The following THSD4 variants were observed in gnomAD, a reference collection of about 807,000 sequenced individuals.
THSD4 encodes the protein thrombospondin type-1 domain-containing protein 4.
In THSD4, 69 loss-of-function variants were observed where a neutral mutation model predicts 119.0. The ratio of observed to expected loss-of-function variants is 0.58; its 90% CI spans 0.48 to 0.71. The LOEUF is 0.71. Ranked by LOEUF, THSD4 falls within the 30% of genes least tolerant of loss-of-function variation. The pLI, the probability that THSD4 is intolerant of heterozygous loss-of-function variation, is 0.00. For missense variants in THSD4, 1,393 were observed against 1,391.1 expected, an observed-to-expected ratio of 1.00 and a Z score of -0.02; for synonymous variants, 524 against 540.4, an observed-to-expected ratio of 0.97 and a Z score of 0.42.
intron 12 of THSD4, 86 bp downstream of exon 12, chr15:71,745,321 A>C (rs1255281153): frequency 6.7e-7 from 1 of 1,499,250 alleles, no homozygotes; most frequent in African/African-American, 1.4e-5. Context: ...GATATAAGTC[A>C]GTCTAAATCT....
At chr15:71,213,544 T>C (rs1010563854) in intron 3 of THSD4, among the ~76,000 whole-genome samples, 1 of 152,138 alleles carries the variant, frequency 6.6e-6, no homozygotes, top group Non-Finnish European at 1.5e-5. Flanking sequence ...TCTAAGCACT[T>C]GTGTGGACCT....
chr15:71,145,192 G>A (rs1347730053), intron 2 of THSD4, among the ~76,000 whole-genome samples: 1 of 152,110 alleles, frequency 6.6e-6, no homozygotes, highest in African/African-American at 2.4e-5. Context: ...TTCAAGGAGT[G>A]CTTTTGTATG....
chr15:71,588,714 G>T (rs565570335), intron 7 of THSD4, among the ~76,000 whole-genome samples: 2 of 152,164 alleles, frequency 1.3e-5, no homozygotes, highest in African/African-American at 2.4e-5. Context: ...GATTATAGGC[G>T]TGAGCCACCA....
chr15:71,101,723 T>A (rs1408023684), intron 1 of THSD4, among the ~76,000 whole-genome samples: 3 of 151,762 alleles, frequency 2.0e-5, no homozygotes, highest in Non-Finnish European at 2.9e-5. Context: ...TTTTTTATTT[T>A]TTTTTTTTGA....
chr15:71,246,977 C>A (rs950964572), intron 5 of THSD4, among the ~76,000 whole-genome samples: 9 of 146,736 alleles, frequency 6.1e-5, no homozygotes, highest in East Asian at 2.1e-4. Context: ...ACAACCTCCA[C>A]CTCCCCAGTT....
chr15:71,663,175 C>T (rs943355718), intron 8 of THSD4, among the ~76,000 whole-genome samples: 23 of 151,970 alleles, frequency 1.5e-4, no homozygotes, highest in African/African-American at 5.6e-4. Flanking sequence ...TCACTTGGGC[C>T]CAAGAGGTCA....
intron 7 of THSD4, among the ~76,000 whole-genome samples, chr15:71,578,217 T>A (rs951674825): frequency 1.3e-5 from 2 of 150,580 alleles, no homozygotes; most frequent in Admixed American, 1.3e-4. Context: ...ATTGAATATA[T>A]ATATAAACTC....
chr15:71,136,258 G>A lies in THSD4; in HGVS notation c.-79-5191G>A, dbSNP rs560023126. Among the ~76,000 whole-genome samples, 374 of 152,130 alleles carry A rather than the reference G, an allele frequency of 2.5e-3. 2 individuals carry two copies. The highest frequency in any genetic ancestry group is 4.5e-3 in the Non-Finnish European group (303 of 68,010). Reference sequence around the variant, plus strand: ...AGTGGTTTGGAACTGCCCTGATGTCGGGAGCCAACGTCCTGATGCTTTTAT... The same window carrying A: ...AGTGGTTTGGAACTGCCCTGATGTCAGGAGCCAACGTCCTGATGCTTTTAT... On this transcript the variant is annotated intron_variant, in intron 1 of 17. Coordinates refer to ENST00000261862, the MANE Select transcript of THSD4 (RefSeq NM_024817.3).
chr15:71,215,252 C>G lies in THSD4; in HGVS notation c.317C>G (p.Ser106Trp). 6.7e-7 allele frequency: 1 copy of G among 1,483,472 alleles called. No homozygotes were observed. The highest frequency in any genetic ancestry group is 1.3e-5 in the South Asian group (1 of 79,002). 91.9% of individuals were successfully genotyped at this position (1,483,472 alleles called of 1,614,324 possible). Residue 106 changes from serine (S) to tryptophan (W), a missense_variant, in exon 4 of 18, where the codon TCG becomes TGG. By Grantham distance (177) the Ser-to-Trp change is radical. Coordinates refer to ENST00000261862, the MANE Select transcript of THSD4 (RefSeq NM_024817.3). ...CGCGCCTTCGCGGACCACGTGGTGTCGGCGGTGCGCACGTCGGTGCCACTG... is the reference window on the plus strand; with the variant it reads ...CGCGCCTTCGCGGACCACGTGGTGTGGGCGGTGCGCACGTCGGTGCCACTG... ...PARAFADHVV[S>W]AVRTSVPLHR...
At chr15:71,604,074 A>C (rs978654512) in intron 7 of THSD4, among the ~76,000 whole-genome samples, 1 of 152,220 alleles carries the variant, frequency 6.6e-6, no homozygotes, top group Admixed American at 6.5e-5. Flanking sequence ...AGAAACATGA[A>C]AGTGCTGAAG....
At chr15:71,132,405 G>A (rs1007410333) in intron 1 of THSD4, among the ~76,000 whole-genome samples, 1 of 152,168 alleles carries the variant, frequency 6.6e-6, no homozygotes, top group Admixed American at 6.6e-5. Context: ...ATGAGGTAAG[G>A]TAAAAATAGA....
intron 2 of THSD4, among the ~76,000 whole-genome samples, chr15:71,142,340 T>A (rs1422288188): frequency 6.6e-6 from 1 of 152,162 alleles, no homozygotes; most frequent in Non-Finnish European, 1.5e-5. Context: ...AGAGTTAGAA[T>A]AAGGGCTCTG....
chr15:71,570,206 C>T (rs1163578852), intron 7 of THSD4, among the ~76,000 whole-genome samples: 1 of 152,142 alleles, frequency 6.6e-6, no homozygotes, highest in Non-Finnish European at 1.5e-5. Flanking sequence ...GAACACCATG[C>T]ATCAGGTAAA....
chr15:71,322,451 T>G (rs951790299), intron 6 of THSD4, among the ~76,000 whole-genome samples: 1 of 152,242 alleles, frequency 6.6e-6, no homozygotes, highest in African/African-American at 2.4e-5. Flanking sequence ...CTATTTGGCC[T>G]GATACGGGGT....
chr15:71,708,338 T>TAA (rs2052434015), intron 8 of THSD4, among the ~76,000 whole-genome samples: 1 of 152,220 alleles, frequency 6.6e-6, no homozygotes, highest in Admixed American at 6.5e-5. Flanking sequence ...ATGCACCTCC[T>TAA]TATTGCCTGC....
rs553178804 is a variant in THSD4, at chr15:71,590,828, C to A, written c.1153-69702C>A. Among the ~76,000 whole-genome samples, 3 of 151,616 alleles carry A rather than the reference C, an allele frequency of 2.0e-5. No homozygotes were observed. The East Asian group carries it at 5.8e-4, about 30-fold the overall frequency. Reference sequence around the variant, plus strand: ...ACCATCCTGGCTAACACGGTGAAACCCTGTCTCTACTAAAAATACAAAAAA... The same window carrying A: ...ACCATCCTGGCTAACACGGTGAAACACTGTCTCTACTAAAAATACAAAAAA... On this transcript the variant is annotated intron_variant, in intron 7 of 17. Transcript: ENST00000261862.
At chr15:71,534,219 G>A (rs960349635) in intron 7 of THSD4, among the ~76,000 whole-genome samples, 6 of 152,182 alleles carry the variant, frequency 3.9e-5, no homozygotes, top group Non-Finnish European at 7.3e-5. Flanking sequence ...CAAAGTGCTA[G>A]GATTATAGGC....
chr15:71,141,350 T>C lies in THSD4; in HGVS notation c.-79-99T>C. 8 of 625,348 alleles carry C rather than the reference T, an allele frequency of 1.3e-5. 1 individual carries two copies. The highest frequency in any genetic ancestry group is 1.2e-4 in the South Asian group (5 of 42,416). The allele number at this position is 625,348 out of a possible 1,614,324, so 38.7% of individuals were successfully genotyped here. ...CCATAACTGGGCACTTTTGTTTTAG[T>C]ATCTTCCATTTGCTCATTTCTGGTT... On this transcript the variant is annotated intron_variant, in intron 1 of 17. Transcript: ENST00000261862.
intron 7 of THSD4, among the ~76,000 whole-genome samples, chr15:71,467,029 T>A (rs2047510391): frequency 1.3e-5 from 2 of 152,234 alleles, no homozygotes; most frequent in Admixed American, 6.5e-5. Flanking sequence ...TCTTATTCAA[T>A]TCAAATGGAA....
Sources: allele counts gnomAD v4.1 joint callset (sites outside exome capture counted in the v4.1 genomes callset), GRCh38; gene constraint gnomAD v4.1.1; transcripts MANE v1.5; gene names NCBI Gene and HGNC (gene_info 2026-07-23, HGNC 2026-07-21).